Variants in PACS1 observed in about 807,000 individuals in gnomAD.
The protein encoded by PACS1 is PACS-1.
In PACS1, 24 loss-of-function variants were observed where a neutral mutation model predicts 115.0. The ratio of observed to expected loss-of-function variants is 0.21; its 90% CI spans 0.15 to 0.29. The LOEUF (loss-of-function observed/expected upper bound fraction) is 0.29, where lower values mean the gene tolerates loss of function less well. Among genes scored for constraint, PACS1 ranks in the 10% least tolerant of loss-of-function variants. PACS1 has a pLI of 1.00. For synonymous variants in PACS1, 453 were observed against 504.5 expected (o/e 0.90, Z 1.37); for missense variants, 838 against 1,251.2 (o/e 0.67, Z 4.98).
intron 1 of PACS1, among the ~76,000 whole-genome samples, chr11:66,097,892 A>T (rs188453810): frequency 3.9e-5 from 6 of 152,278 alleles, no homozygotes; most frequent in Non-Finnish European, 8.8e-5. Flanking sequence ...TTTTAAAAAT[A>T]GGTAGGTTGG....
chr11:66,147,602 G>A (rs763542804), intron 1 of PACS1, among the ~76,000 whole-genome samples: 5 of 152,166 alleles, frequency 3.3e-5, no homozygotes. Flanking sequence ...TTCTAATGTT[G>A]TAATTTTTCT....
chr11:66,109,501 T>C (rs541783083), intron 1 of PACS1, among the ~76,000 whole-genome samples: 1 of 152,344 alleles, frequency 6.6e-6, no homozygotes, highest in East Asian at 1.9e-4. Flanking sequence ...CATGTCACCA[T>C]CATTATTGTC....
chr11:66,229,028 A>T (rs1855524951), intron 11 of PACS1, among the ~76,000 whole-genome samples: 1 of 151,708 alleles, frequency 6.6e-6, no homozygotes, highest in Non-Finnish European at 1.5e-5. Flanking sequence ...CGGGAGGTTA[A>T]TTTAGAAAGG....
chr11:66,239,235 C>T lies in PACS1; in HGVS notation c.2387C>T (p.Pro796Leu). 6.2e-7 allele frequency: 1 copy of T among 1,613,812 alleles called. No individual in the cohort carries two copies. Among genetic ancestry groups the T allele is most frequent in the Non-Finnish European group, 8.5e-7 (1 of 1,179,996 alleles). The change falls in exon 21 of 24, where the codon CCT (proline) becomes CTT (leucine). Residue 796 changes from proline (P) to leucine (L), a missense_variant. Transcript: ENST00000320580. ...CTGAGCCGAGACGCCACGGCCACCC[C>T]TCCCTCCTCCCCATCTATGAGCAGC... The part of the protein sequence containing the change: ...SGLSRDATAT[P>L]PSSPSMSSAL...
At position 66,216,164 on chromosome 11, in the gene PACS1, A is replaced by G; in HGVS notation, c.706A>G (p.Ser236Gly). 6.2e-7 allele frequency: 1 copy of G among 1,613,948 alleles called. No homozygotes were observed. Among genetic ancestry groups the G allele is most frequent in the Non-Finnish European group, 8.5e-7 (1 of 1,179,918 alleles). ...NEGALVLGLH[S>G]NVKDVSVPVA... ...AGGCGCACTGGTGCTTGGCCTACACAGCAACGTGAAGGATGTCTCTGTGCC... is the reference window on the plus strand; with the variant it reads ...AGGCGCACTGGTGCTTGGCCTACACGGCAACGTGAAGGATGTCTCTGTGCC... The change falls in exon 5 of 24, where the codon AGC becomes GGC. Residue 236 changes from serine to glycine, a missense_variant. Transcript: ENST00000320580.
intron 1 of PACS1, among the ~76,000 whole-genome samples, chr11:66,120,257 G>A (rs1289854014): frequency 6.7e-6 from 1 of 149,072 alleles, no homozygotes; most frequent in Non-Finnish European, 1.5e-5. Flanking sequence ...CACCACTCTC[G>A]GCTAATTTTT....
intron 1 of PACS1, among the ~76,000 whole-genome samples, chr11:66,082,675 G>A (rs1355680708): frequency 1.3e-5 from 2 of 152,040 alleles, no homozygotes; most frequent in East Asian, 1.9e-4. Flanking sequence ...CCAACATGGT[G>A]AAACTCCATC....
chr11:66,075,156 G>A (rs1229819552), intron 1 of PACS1, among the ~76,000 whole-genome samples: 1 of 151,992 alleles, frequency 6.6e-6, no homozygotes, highest in Non-Finnish European at 1.5e-5. Flanking sequence ...TGTTAGCCAG[G>A]ATGGTCTCGA....
In PACS1 at chr11:66,070,573, TCAGCAGCCGCCGCCGCAGCAGCAG is replaced by T; in HGVS notation, c.95_118del (p.Pro32_Gln39del). 4 of 1,486,780 alleles carry T rather than the reference TCAGCAGCCGCCGCCGCAGCAGCAG, an allele frequency of 2.7e-6. No homozygotes were observed. The highest frequency in any genetic ancestry group is 2.9e-5 in the East Asian group (1 of 34,484). 92.1% of individuals were successfully genotyped at this position (1,486,780 alleles called of 1,614,324 possible). A position where few individuals can be genotyped will look rare whatever the true frequency, so the allele number is the denominator to read the frequency against. ...GGGGATCCGGGGTCGCCCAGTCCCC[TCAGCAGCCGCCGCCGCAGCAGCAG>T]CAGCAGCAGCCGCCGCAGCAGCCGA... On this transcript the variant is annotated inframe_deletion, in exon 1 of 24. Transcript: ENST00000320580. The surrounding 1 kb of genome is among the most constrained non-coding windows in gnomAD (Gnocchi z 5.9).
rs1054224216 is a variant in PACS1 at position 66,219,356 on chromosome 11, G to A, written c.979-390G>A. Among the ~76,000 whole-genome samples, 19 of 151,846 alleles carry A rather than the reference G, an allele frequency of 1.3e-4. 1 individual carries two copies. The highest frequency in any genetic ancestry group is 1.6e-4 in the Non-Finnish European group (11 of 68,010). On this transcript the variant is annotated intron_variant, in intron 7 of 23. Transcript: ENST00000320580. ...GGATCGGGGTGCAAGGAGAAGACGG[G>A]ACGCTGCGTTCCACCGTGGAGGTGG...
chr11:66,138,084 G>GTTTATTTATTTA (rs56348908), intron 1 of PACS1, among the ~76,000 whole-genome samples: 3,172 of 149,366 alleles, frequency 0.021, 88 homozygotes, highest in African/African-American at 0.064. Flanking sequence ...ATTTTGCCCC[G>GTTTATTTATTTA]TTTATTTATT....
intron 1 of PACS1, among the ~76,000 whole-genome samples, chr11:66,119,488 A>G (rs1207593046): frequency 6.6e-6 from 1 of 152,188 alleles, no homozygotes; most frequent in Non-Finnish European, 1.5e-5. Context: ...TAACTGCCCT[A>G]CTGAAAGGCA....
intron 4 of PACS1, among the ~76,000 whole-genome samples, chr11:66,212,592 A>G (rs1049650767): frequency 1.8e-4 from 27 of 151,984 alleles, no homozygotes; most frequent in African/African-American, 6.5e-4. Context: ...CTTGGTTAAC[A>G]TGGAGTCTGC....
chr11:66,134,239 T>TTTCTTA, intron 1 of PACS1, among the ~76,000 whole-genome samples: 1 of 117,814 alleles, frequency 8.5e-6, no homozygotes, highest in Non-Finnish European at 1.8e-5. Flanking sequence ...TAAATTTCTT[T>TTTCTTA]TTCTTTTTCT....
intron 2 of PACS1, among the ~76,000 whole-genome samples, chr11:66,197,633 A>G (rs1304918098): frequency 2.6e-5 from 4 of 152,068 alleles, no homozygotes; most frequent in Non-Finnish European, 5.9e-5. Context: ...ATCTTTACCA[A>G]AAATAAAAAC....
chr11:66,149,381 C>T (rs1411130449), intron 1 of PACS1, among the ~76,000 whole-genome samples: 1 of 152,060 alleles, frequency 6.6e-6, no homozygotes, highest in Non-Finnish European at 1.5e-5. Flanking sequence ...TGTGAGCCAC[C>T]ATCCCCAGCC....
intron 1 of PACS1, among the ~76,000 whole-genome samples, chr11:66,184,000 A>G (rs189849034): frequency 9.0e-4 from 137 of 152,196 alleles, no homozygotes; most frequent in African/African-American, 3.0e-3. Flanking sequence ...CCAGTCTTCA[A>G]TCTGGTCCAG....
intron 1 of PACS1, among the ~76,000 whole-genome samples, chr11:66,158,204 A>G (rs1182329827): frequency 2.0e-5 from 3 of 152,250 alleles, no homozygotes. Context: ...CCTGAGCTCA[A>G]GTGATCCACT....
chr11:66,138,481 C>A (rs146963919), intron 1 of PACS1, among the ~76,000 whole-genome samples: 1 of 152,240 alleles, frequency 6.6e-6, no homozygotes, highest in Non-Finnish European at 1.5e-5. Context: ...AAGTGACATG[C>A]CCCACGAAGT....
Sources: gnomAD v4.1 joint callset for allele counts (sites outside exome capture counted in the v4.1 genomes callset) on GRCh38, gnomAD v4.1.1 for gene constraint, Gnocchi (gnomAD v3.1) non-coding constraint, MANE v1.5 for transcripts, NCBI Gene and HGNC (gene_info 2026-07-23, HGNC 2026-07-21) for gene names.